The following IER3IP1 variants were observed in gnomAD, a reference collection of about 807,000 sequenced individuals.
IER3IP1 encodes immediate early response 3-interacting protein 1.
Under a neutral mutation model 12.2 loss-of-function variants are expected in IER3IP1, and 16 were observed. The observed-to-expected ratio is 1.31, with a 90% CI of 0.89 to 1.99. The LOEUF is 1.99. IER3IP1 is among the 30% of genes most tolerant of loss of function. The pLI is 0.00. For missense variants in IER3IP1, 95 were observed against 95.8 expected (o/e 0.99, Z 0.03); for synonymous variants, 42 against 40.0 (o/e 1.05, Z -0.19).
chr18:47,164,062 T>C, intron 1 of IER3IP1, among the ~76,000 whole-genome samples: 1 of 152,156 alleles, frequency 6.6e-6, no homozygotes, highest in Non-Finnish European at 1.5e-5. Context: ...CCAGCAATCT[T>C]TTTTTCTTTT....
intron 2 of IER3IP1, 43 bp from the exon 3 acceptor site, chr18:47,156,275 C>T: frequency 8.6e-7 from 1 of 1,158,182 alleles, no homozygotes; most frequent in Non-Finnish European, 1.3e-6. Flanking sequence ...AAAGAAAAAA[C>T]AGAGAAAAAA....
In IER3IP1 at chr18:47,176,296, C is replaced by G. The variant is rs548701628; in HGVS notation, c.-19G>C. 4.4e-6 allele frequency: 7 copies of G among 1,590,848 alleles called. No homozygotes were observed. The East Asian group carries it at 9.1e-5, about 21-fold the overall frequency. ...AGGCCATGGCCGTCCGAGGCCGCCC[C>G]GAAGTCCAAGCGATTTCTCTCCCGC... On this transcript the variant is annotated 5_prime_UTR_variant, in exon 1 of 3. Coordinates refer to ENST00000256433, the MANE Select transcript of IER3IP1 (RefSeq NM_016097.5).
intron 2 of IER3IP1, chr18:47,156,790 G>GTTTTTT (rs34039061): frequency 5.1e-4 from 53 of 102,944 alleles, no homozygotes; most frequent in Non-Finnish European, 7.3e-4. Context: ...TTCTTTTCTG[G>GTTTTTT]TTTTTTTTTT....
chr18:47,168,809 A>G (rs1267386631), intron 1 of IER3IP1, among the ~76,000 whole-genome samples: 2 of 152,236 alleles, frequency 1.3e-5, no homozygotes, highest in East Asian at 1.9e-4. Flanking sequence ...AAAGTTTTTC[A>G]AAGTGGTTGT....
chr18:47,165,510 G>A (rs369907515), intron 1 of IER3IP1, among the ~76,000 whole-genome samples: 45 of 148,228 alleles, frequency 3.0e-4, no homozygotes, highest in Middle Eastern at 6.7e-3. Flanking sequence ...CTGAGATAGT[G>A]CCACTGCACT....
At chr18:47,173,614 G>T (rs1207815070) in intron 1 of IER3IP1, among the ~76,000 whole-genome samples, 1 of 152,080 alleles carries the variant, frequency 6.6e-6, no homozygotes, top group Non-Finnish European at 1.5e-5. Context: ...AAAGTGCTAG[G>T]CATGAGCCAC....
chr18:47,168,721 AT>A (rs757223956), intron 1 of IER3IP1, among the ~76,000 whole-genome samples: 142 of 152,292 alleles, frequency 9.3e-4, no homozygotes, highest in Non-Finnish European at 1.6e-3. Context: ...TGGTGCACAT[AT>A]TTATGAGCAT....
chr18:47,166,708 A>C (rs1020416456), intron 1 of IER3IP1, among the ~76,000 whole-genome samples: 4 of 152,190 alleles, frequency 2.6e-5, no homozygotes, highest in African/African-American at 9.7e-5. Flanking sequence ...ATGACCAGTA[A>C]GGAGTTTGCT....
In IER3IP1 at chr18:47,154,925, TTAACTC is replaced by T. The variant is rs763445080; in HGVS notation, c.*1246_*1251del. 1.3e-5 allele frequency: 2 copies of T among 152,212 alleles called. No homozygotes were observed. Among genetic ancestry groups the T allele is most frequent in the Non-Finnish European group, 1.5e-5 (1 of 68,034 alleles). The allele number at this position is 152,212 out of a possible 1,614,324, so 9.4% of individuals were successfully genotyped here. On this transcript the variant is annotated 3_prime_UTR_variant, in exon 3 of 3. Coordinates refer to ENST00000256433, the MANE Select transcript of IER3IP1 (RefSeq NM_016097.5). ...AAATACATGTAAATATTTACTTTCA[TTAACTC>T]TATACTCGGCAATTTTACAGCAAAG...
Position 47,157,446 on chromosome 18 carries a change from G to A in IER3IP1, c.183C>T (p.Thr61=), listed in dbSNP as rs374653243. ...QLMNLIRSVR[T]VMRVPLIIVN... The stretch of plus-strand genomic sequence containing the variant: ...AGCTTTTCTTCTTACCTCTCATCAC[G>A]GTTCTTACAGATCGAATAAGGTTCA... Residue 61 remains threonine, a synonymous_variant, in exon 2 of 3, where the codon ACC becomes ACT. Coordinates refer to ENST00000256433, the MANE Select transcript of IER3IP1 (RefSeq NM_016097.5). 1.9e-6 allele frequency: 3 copies of A among 1,613,244 alleles called. No individual in the cohort carries two copies. The highest frequency in any genetic ancestry group is 2.5e-6 in the Non-Finnish European group (3 of 1,179,320).
intron 1 of IER3IP1, among the ~76,000 whole-genome samples, chr18:47,160,333 T>C (rs1161018712): frequency 6.6e-6 from 1 of 152,252 alleles, no homozygotes; most frequent in African/African-American, 2.4e-5. Flanking sequence ...GCAATACTGC[T>C]GCATCACTGT....
intron 1 of IER3IP1, 117 bp downstream of exon 1, chr18:47,176,070 G>A (rs2064032210): frequency 3.5e-6 from 3 of 860,702 alleles, no homozygotes; most frequent in African/African-American, 1.7e-5. Context: ...ACTCCAAGCC[G>A]AGCCTTCCGC....
chr18:47,175,589 G>A (rs868352224), intron 1 of IER3IP1, among the ~76,000 whole-genome samples: 4 of 152,018 alleles, frequency 2.6e-5, no homozygotes, highest in Middle Eastern at 3.4e-3. Context: ...TCAGCCTCCC[G>A]CCCGGCTAAT....
chr18:47,162,827 C>T (rs11872528), intron 1 of IER3IP1, among the ~76,000 whole-genome samples: 3,999 of 151,466 alleles, frequency 0.026, 61 homozygotes, highest in Non-Finnish European at 0.041. Context: ...CAAAACTCTG[C>T]AGAAAAATTA....
intron 1 of IER3IP1, among the ~76,000 whole-genome samples, chr18:47,161,809 A>C (rs1040312723): frequency 6.6e-6 from 1 of 151,634 alleles, no homozygotes; most frequent in Non-Finnish European, 1.5e-5. Context: ...TAATTATACA[A>C]CTCACCATAA....
At position 47,165,214 on chromosome 18, in the gene IER3IP1, A is replaced by AAAGAAC. The variant is rs553757170; in HGVS notation, c.92-7683_92-7678dup. Among the ~76,000 whole-genome samples, 1,436 of 152,324 alleles carry AAAGAAC rather than the reference A, an allele frequency of 9.4e-3. 9 individuals carry two copies. Among genetic ancestry groups the AAAGAAC allele is most frequent in the Non-Finnish European group, 0.014 (930 of 68,036 alleles). Reference sequence around the variant, plus strand: ...CATGAAAGTGCCTAATAAACTACACAAAGAACTCTGCTAATGTAAGTTTTT... The same window carrying AAAGAAC: ...CATGAAAGTGCCTAATAAACTACACAAAGAACAAGAACTCTGCTAATGTAAGTTTTT... On this transcript the variant is annotated intron_variant, in intron 1 of 2. Coordinates refer to ENST00000256433, the MANE Select transcript of IER3IP1 (RefSeq NM_016097.5).
At chr18:47,175,188 G>C (rs935757585) in intron 1 of IER3IP1, among the ~76,000 whole-genome samples, 3 of 152,186 alleles carry the variant, frequency 2.0e-5, no homozygotes, top group African/African-American at 7.2e-5. Context: ...GGCATACTTG[G>C]TACACAACGT....
Position 47,170,018 on chromosome 18 carries a change from A to T in IER3IP1, c.91+6169T>A, listed in dbSNP as rs921271487. Among the ~76,000 whole-genome samples the T allele has an allele frequency of 3.3e-5, 5 of 152,120 alleles. No homozygotes were observed. In the Middle Eastern group the frequency reaches 0.014, roughly 414 times the overall value. ...GGTTTTACCCAACCAAAACTCACAG[A>T]GCTTTTTGTCTGTATGTTCTTCTAA... On this transcript the variant is annotated intron_variant, in intron 1 of 2. Transcript: ENST00000256433.
chr18:47,165,199 C>A (rs2063992343), intron 1 of IER3IP1, among the ~76,000 whole-genome samples: 1 of 152,096 alleles, frequency 6.6e-6, no homozygotes, highest in Non-Finnish European at 1.5e-5. Context: ...CATGAAAGTG[C>A]CTAATAAACT....
Sources: allele counts gnomAD v4.1 joint callset (sites outside exome capture counted in the v4.1 genomes callset), GRCh38; gene constraint gnomAD v4.1.1; transcripts MANE v1.5; gene names NCBI Gene and HGNC (gene_info 2026-07-23, HGNC 2026-07-21).